Variants in PRDM5 observed in about 807,000 individuals in gnomAD.
PRDM5 encodes PR domain zinc finger protein 5.
In PRDM5, 56 loss-of-function variants were observed where a neutral mutation model predicts 81.2. The observed-to-expected ratio is 0.69, with a 90% confidence interval of 0.56 to 0.86. The LOEUF is 0.86. Among genes scored for constraint, PRDM5 ranks in the 40% least tolerant of loss-of-function variants. The pLI, the probability that PRDM5 is intolerant of heterozygous loss-of-function variation, is 0.00. For synonymous variants in PRDM5, 267 were observed against 256.4 expected (o/e 1.04, Z -0.39); for missense variants, 697 against 770.1 (o/e 0.91, Z 1.12).
chr4:120,773,824 C>T (rs1019087907), intron 13 of PRDM5, among the ~76,000 whole-genome samples: 15 of 152,192 alleles, frequency 9.9e-5, no homozygotes, highest in African/African-American at 3.6e-4. Flanking sequence ...GAACATATTG[C>T]AGCAGGATGA....
intron 3 of PRDM5, among the ~76,000 whole-genome samples, chr4:120,848,329 T>C (rs1179777814): frequency 6.6e-6 from 1 of 152,312 alleles, no homozygotes; most frequent in Non-Finnish European, 1.5e-5. Context: ...TTTTAAGATC[T>C]GAATTTACAT....
Position 120,763,284 on chromosome 4 carries a change from A to G in PRDM5, c.1538-8646T>C, listed in dbSNP as rs558813284. 3.3e-5 allele frequency among the ~76,000 whole-genome samples: 5 copies of G among 152,248 alleles called. No individual in the cohort carries two copies. In the South Asian group the frequency reaches 1.0e-3, roughly 32 times the overall value. On this transcript the variant is annotated intron_variant, in intron 13 of 15. Coordinates refer to ENST00000264808, the MANE Select transcript of PRDM5 (RefSeq NM_018699.4). ...GTGAAACAAAAAGTGAATTTTACTGATGCAAATTTTTTTAAAAAAGAATAC... is the reference window on the plus strand; with the variant it reads ...GTGAAACAAAAAGTGAATTTTACTGGTGCAAATTTTTTTAAAAAAGAATAC...
chr4:120,835,590 C>T (rs1757252468), intron 3 of PRDM5, among the ~76,000 whole-genome samples: 1 of 152,090 alleles, frequency 6.6e-6, no homozygotes, highest in Non-Finnish European at 1.5e-5. Context: ...CCCTGCACAA[C>T]CTCTCTCTCT....
rs181244989 is a variant in PRDM5, at chr4:120,694,957, T to A, written c.*154A>T. The A allele has an allele frequency of 1.7e-4, 139 of 828,432 alleles. 1 individual carries two copies. In the East Asian group the frequency reaches 3.3e-3, roughly 20 times the overall value. 51.3% of individuals were successfully genotyped at this position (828,432 alleles called of 1,614,324 possible). A position where few individuals can be genotyped will look rare whatever the true frequency, so the allele number is the denominator to read the frequency against. On this transcript the variant is annotated 3_prime_UTR_variant, in exon 16 of 16. Coordinates refer to ENST00000264808, the MANE Select transcript of PRDM5 (RefSeq NM_018699.4). ...GTTAAAAGTAAGACTTTTTTTTGGTTGCATATGCATCTACAGACTCTAAAT... is the reference window on the plus strand; with the variant it reads ...GTTAAAAGTAAGACTTTTTTTTGGTAGCATATGCATCTACAGACTCTAAAT...
At chr4:120,876,541 G>A (rs984055953) in intron 2 of PRDM5, among the ~76,000 whole-genome samples, 11 of 151,980 alleles carry the variant, frequency 7.2e-5, no homozygotes, top group African/African-American at 2.7e-4. Flanking sequence ...AACATATATT[G>A]CATTATAACA....
chr4:120,723,866 T>G (rs1578480997), intron 14 of PRDM5, among the ~76,000 whole-genome samples: 1 of 151,142 alleles, frequency 6.6e-6, no homozygotes, highest in African/African-American at 2.4e-5. Context: ...CGTTGTTTTA[T>G]CTTAAAAAAT....
At chr4:120,855,138 ATATT>A (rs1171786145) in intron 2 of PRDM5, among the ~76,000 whole-genome samples, 2 of 152,172 alleles carry the variant, frequency 1.3e-5, no homozygotes, top group Non-Finnish European at 2.9e-5. Context: ...GCAAAAACTG[ATATT>A]TAAAGATTCT....
chr4:120,861,569 G>A (rs1411716482), intron 2 of PRDM5, among the ~76,000 whole-genome samples: 12 of 151,894 alleles, frequency 7.9e-5, no homozygotes, highest in South Asian at 4.1e-4. Context: ...AGGCCGAGGC[G>A]GGCATATCAC....
At chr4:120,835,889 G>A (rs1035757984) in intron 3 of PRDM5, among the ~76,000 whole-genome samples, 7 of 152,132 alleles carry the variant, frequency 4.6e-5, no homozygotes, top group Non-Finnish European at 1.0e-4. Context: ...GAAAGATGGA[G>A]GTAGCTGTCC....
At chr4:120,762,705 G>T (rs1310881151) in intron 13 of PRDM5, 1 of 152,042 alleles carries the variant, frequency 6.6e-6, no homozygotes, top group African/African-American at 2.4e-5. Context: ...TTCATTCTTG[G>T]CATCTTTCTG....
intron 3 of PRDM5, among the ~76,000 whole-genome samples, chr4:120,829,191 T>C (rs769966071): frequency 2.0e-4 from 30 of 152,072 alleles, no homozygotes; most frequent in Non-Finnish European, 3.2e-4. Context: ...CAAAATTACA[T>C]AGCGTAACAT....
chr4:120,729,538 A>G (rs1739950460), intron 14 of PRDM5, among the ~76,000 whole-genome samples: 1 of 152,180 alleles, frequency 6.6e-6, no homozygotes, highest in South Asian at 2.1e-4. Context: ...GCCTAGACGT[A>G]TCTCCCTGAA....
rs1272775961 is a variant in PRDM5, at chr4:120,816,289, A to T, written c.865+164T>A. The T allele has an allele frequency of 5.7e-6, 6 of 1,051,220 alleles. No individual in the cohort carries two copies. In the Admixed American group the frequency reaches 1.0e-4, roughly 18 times the overall value. 65.1% of individuals were successfully genotyped at this position (1,051,220 alleles called of 1,614,324 possible). ...TGCTGCTAAATTCAACCTGAGAAAG[A>T]AATAGTGTTCAGTGAAAGAAAAAAA... On this transcript the variant is annotated intron_variant, in intron 7 of 15. Coordinates refer to ENST00000264808, the MANE Select transcript of PRDM5 (RefSeq NM_018699.4).
chr4:120,739,460 T>C (rs907761319), intron 14 of PRDM5, among the ~76,000 whole-genome samples: 3 of 152,174 alleles, frequency 2.0e-5, no homozygotes, highest in African/African-American at 7.2e-5. Context: ...GGCAAAGACA[T>C]ATAGAATGAG....
intron 5 of PRDM5, 32 bp downstream of exon 5, chr4:120,818,321 T>C: frequency 1.3e-6 from 2 of 1,599,386 alleles, no homozygotes; most frequent in Non-Finnish European, 1.7e-6. Context: ...TGTTAGCTTA[T>C]AATTTTAAAG....
intron 2 of PRDM5, among the ~76,000 whole-genome samples, chr4:120,889,146 C>T (rs1046130353): frequency 1.3e-5 from 2 of 152,054 alleles, no homozygotes; most frequent in African/African-American, 4.8e-5. Flanking sequence ...CCTGTCTTTA[C>T]GTTCATAAAA....
intron 14 of PRDM5, among the ~76,000 whole-genome samples, chr4:120,724,581 CA>C (rs1739118402): frequency 6.6e-6 from 1 of 152,172 alleles, no homozygotes; most frequent in Non-Finnish European, 1.5e-5. Context: ...CCAAAAATAA[CA>C]AGCATGCTTT....
chr4:120,858,991 C>T (rs1455875124), intron 2 of PRDM5, among the ~76,000 whole-genome samples: 8 of 152,086 alleles, frequency 5.3e-5, no homozygotes, highest in African/African-American at 1.9e-4. Flanking sequence ...ATCACTTGAC[C>T]TCTAAAATGG....
Position 120,890,779 on chromosome 4 carries a change from A to C in PRDM5, c.177+16695T>G, listed in dbSNP as rs566451343. On this transcript the variant is annotated intron_variant, in intron 2 of 15. Coordinates refer to ENST00000264808, the MANE Select transcript of PRDM5 (RefSeq NM_018699.4). ...GCTATGTGTATGTCCTCTTTTGAAAAGTATCTGTTCATATCATTTGTCCAC... is the reference window on the plus strand; with the variant it reads ...GCTATGTGTATGTCCTCTTTTGAAACGTATCTGTTCATATCATTTGTCCAC... Among the ~76,000 whole-genome samples, 3 of 152,288 alleles carry C rather than the reference A, an allele frequency of 2.0e-5. No homozygotes were observed. The East Asian group carries it at 5.8e-4, about 29-fold the overall frequency.
Sources: gnomAD v4.1 joint callset for allele counts (sites outside exome capture counted in the v4.1 genomes callset) on GRCh38, gnomAD v4.1.1 for gene constraint, MANE v1.5 for transcripts, NCBI Gene and HGNC (gene_info 2026-07-23, HGNC 2026-07-21) for gene names.